The following KCNJ6 variants were observed in gnomAD, a reference collection of about 807,000 sequenced individuals.
The protein encoded by KCNJ6 is potassium inwardly rectifying channel subfamily J member 6.
Under a neutral mutation model 34.2 loss-of-function variants are expected in KCNJ6, and 9 were observed. The ratio of observed to expected loss-of-function variants is 0.26; its 90% confidence interval spans 0.16 to 0.46. The LOEUF is 0.46. Ranked by LOEUF, KCNJ6 falls within the 20% of genes least tolerant of loss-of-function variation. KCNJ6 has a pLI of 1.00. For synonymous variants in KCNJ6, 196 were observed against 207.1 expected (o/e 0.95, Z 0.46); for missense variants, 236 against 531.3 (o/e 0.44, Z 5.46).
At chr21:37,758,885 C>A (rs2055045571) in intron 2 of KCNJ6, among the ~76,000 whole-genome samples, 1 of 152,198 alleles carries the variant, frequency 6.6e-6, no homozygotes, top group Non-Finnish European at 1.5e-5. Flanking sequence ...CCTGCCTTGG[C>A]CTCCCAAAGT....
intron 1 of KCNJ6, among the ~76,000 whole-genome samples, chr21:37,856,465 T>C (rs542221523): frequency 2.6e-5 from 4 of 152,320 alleles, no homozygotes; most frequent in African/African-American, 7.2e-5. Context: ...TGGTTCTCTA[T>C]GAGAAGGTGC....
intron 2 of KCNJ6, among the ~76,000 whole-genome samples, chr21:37,837,054 C>T (rs1300152232): frequency 6.6e-6 from 1 of 152,010 alleles, no homozygotes; most frequent in African/African-American, 2.4e-5. Flanking sequence ...TGTCTTTGCT[C>T]CTTGTAATTC....
intron 3 of KCNJ6, among the ~76,000 whole-genome samples, chr21:37,677,359 A>G (rs1315731142): frequency 6.6e-6 from 1 of 152,210 alleles, no homozygotes; most frequent in Non-Finnish European, 1.5e-5. Context: ...CAACTTGGCC[A>G]AAAGAATTTA....
intron 1 of KCNJ6, among the ~76,000 whole-genome samples, chr21:37,876,474 A>G (rs1378771059): frequency 6.6e-6 from 1 of 152,188 alleles, no homozygotes; most frequent in Non-Finnish European, 1.5e-5. Flanking sequence ...TTGCATCATC[A>G]TAGTCATTAC....
intron 2 of KCNJ6, among the ~76,000 whole-genome samples, chr21:37,764,184 T>G (rs1433146950): frequency 6.6e-6 from 1 of 152,106 alleles, no homozygotes; most frequent in African/African-American, 2.4e-5. Context: ...GGTCTGGTAA[T>G]GCAAGAGGTA....
intron 2 of KCNJ6, among the ~76,000 whole-genome samples, chr21:37,786,912 T>C (rs1041547807): frequency 6.6e-6 from 1 of 152,232 alleles, no homozygotes; most frequent in Non-Finnish European, 1.5e-5. Context: ...TTAGAGTTAC[T>C]TTCTCTGTGT....
chr21:37,644,861 A>C (rs1410342077), intron 3 of KCNJ6, among the ~76,000 whole-genome samples: 1 of 152,158 alleles, frequency 6.6e-6, no homozygotes, highest in East Asian at 1.9e-4. Flanking sequence ...CTTAAAGTTA[A>C]GGGAGACTGG....
chr21:37,721,483 C>T (rs981181219), intron 2 of KCNJ6, among the ~76,000 whole-genome samples: 1 of 152,216 alleles, frequency 6.6e-6, no homozygotes, highest in African/African-American at 2.4e-5. Flanking sequence ...AGTGTTCATA[C>T]TAGCATTCTC....
chr21:37,913,557 C>T (rs956548745), intron 1 of KCNJ6, among the ~76,000 whole-genome samples: 2 of 152,210 alleles, frequency 1.3e-5, no homozygotes, highest in African/African-American at 4.8e-5. Context: ...CGGTGGCTCA[C>T]GCCTGTAATC....
At chr21:37,662,214 C>A (rs1225054318) in intron 3 of KCNJ6, among the ~76,000 whole-genome samples, 1 of 152,112 alleles carries the variant, frequency 6.6e-6, no homozygotes, top group African/African-American at 2.4e-5. Flanking sequence ...AGGTACTAAG[C>A]CCAGCAAGCA....
At chr21:37,716,379 A>ATT (rs367708496) in intron 2 of KCNJ6, among the ~76,000 whole-genome samples, 201 of 140,254 alleles carry the variant, frequency 1.4e-3, no homozygotes, top group African/African-American at 2.0e-3. Flanking sequence ...AAAAGTTTAA[A>ATT]TTTTTTTTTT....
intron 2 of KCNJ6, among the ~76,000 whole-genome samples, chr21:37,736,387 T>G (rs1015970373): frequency 4.6e-5 from 7 of 152,192 alleles, no homozygotes; most frequent in African/African-American, 1.7e-4. Context: ...GAGCATGGGC[T>G]TTCCTTTTGG....
rs185246250 is a variant in KCNJ6 at position 37,804,669 on chromosome 21, G to A, written c.25+35989C>T. The stretch of plus-strand genomic sequence containing the variant: ...CTCCCCCTTATAAGTGAGAACATGC[G>A]GTATTTGGTTTTCTGTTCCTGCATT... On this transcript the variant is annotated intron_variant, in intron 2 of 3. Coordinates refer to ENST00000609713, the MANE Select transcript of KCNJ6 (RefSeq NM_002240.5). Among the ~76,000 whole-genome samples, 24 of 152,210 alleles carry A rather than the reference G, an allele frequency of 1.6e-4. No individual in the cohort carries two copies. In the East Asian group the frequency reaches 2.7e-3, roughly 17 times the overall value.
intron 2 of KCNJ6, among the ~76,000 whole-genome samples, chr21:37,737,757 C>T (rs1218243654): frequency 1.3e-5 from 2 of 152,234 alleles, no homozygotes; most frequent in Admixed American, 1.3e-4. Context: ...GGGACAGTTG[C>T]TGCACAGAAG....
rs189709707 is a variant in KCNJ6, at chr21:37,613,137, C to T, written c.*12022G>A. 8 of 152,082 alleles carry T rather than the reference C, an allele frequency of 5.3e-5. No homozygotes were observed. Among genetic ancestry groups the T allele is most frequent in the African/African-American group, 1.7e-4 (7 of 41,410 alleles). The allele number at this position is 152,082 out of a possible 1,614,324, so 9.4% of individuals were successfully genotyped here. On this transcript the variant is annotated 3_prime_UTR_variant, in exon 4 of 4. Transcript: ENST00000609713. ...TAAAAAAATGCCCAAAAGACCTGAA[C>T]AGACACCTCACCAAAGAAGATGTAC...
chr21:37,631,379 A>G (rs1438545283), intron 3 of KCNJ6, among the ~76,000 whole-genome samples: 2 of 152,242 alleles, frequency 1.3e-5, no homozygotes, highest in East Asian at 3.8e-4. Context: ...GCTAAAATAT[A>G]ATACAATGCT....
chr21:37,634,005 GAGA>G (rs1193682478), intron 3 of KCNJ6, among the ~76,000 whole-genome samples: 1 of 152,176 alleles, frequency 6.6e-6, no homozygotes, highest in Non-Finnish European at 1.5e-5. Flanking sequence ...AACACTCCTG[GAGA>G]AGAACAAACT....
intron 1 of KCNJ6, among the ~76,000 whole-genome samples, chr21:37,862,165 G>T (rs1289857396): frequency 6.6e-6 from 1 of 152,214 alleles, no homozygotes; most frequent in African/African-American, 2.4e-5. Flanking sequence ...GAGAGCTGTG[G>T]AAAAGGGCTG....
intron 3 of KCNJ6, among the ~76,000 whole-genome samples, chr21:37,709,409 G>A (rs2054738419): frequency 6.6e-6 from 1 of 152,112 alleles, no homozygotes; most frequent in South Asian, 2.1e-4. Flanking sequence ...AGCTACTCAG[G>A]AGGCTGAGGC....
Sources: allele counts gnomAD v4.1 joint callset (sites outside exome capture counted in the v4.1 genomes callset), GRCh38; gene constraint gnomAD v4.1.1; transcripts MANE v1.5; gene names NCBI Gene and HGNC (gene_info 2026-07-23, HGNC 2026-07-21).